TRRAP: variants seen among roughly 807,000 people sequenced by gnomAD.
TRRAP encodes transformation/transcription domain associated protein.
TRRAP carries 41 observed loss-of-function variants against 438.8 expected under a neutral mutation model. The observed-to-expected ratio is 0.09, with a 90% CI of 0.07 to 0.12. The LOEUF (loss-of-function observed/expected upper bound fraction) is 0.12. Ranked by LOEUF, TRRAP falls within the 10% of genes least tolerant of loss-of-function variation. The probability of loss-of-function intolerance (pLI) is 1.00; values close to 1 mark genes in which losing one functional copy is unlikely to be tolerated. For missense variants in TRRAP, 3,122 were observed against 5,055.1 expected (o/e 0.62, Z 11.60); for synonymous variants, 1,994 against 1,962.9 (o/e 1.02, Z -0.42).
chr7:98,976,812 A>G lies in TRRAP; in HGVS notation c.8247+42A>G. ...GTTTGTTAATTACCTCTTCCCTGCC[A>G]GTGACTTCACACTTTAAATAAATAC... On this transcript the variant is annotated intron_variant, in intron 55 of 72. Transcript: ENST00000456197. This position sits in a 1 kb window ranked among gnomAD's most constrained non-coding sequence, Gnocchi z 4.6. The G allele has an allele frequency of 6.2e-7, 1 of 1,604,542 alleles. No individual in the cohort carries two copies. Among genetic ancestry groups the G allele is most frequent in the Non-Finnish European group, 8.5e-7 (1 of 1,173,740 alleles).
chr7:98,944,774 C>T (rs1256847004), intron 31 of TRRAP, among the ~76,000 whole-genome samples: 2 of 152,130 alleles, frequency 1.3e-5, no homozygotes, highest in Non-Finnish European at 2.9e-5. Context: ...TATGCTAGAT[C>T]GTTGACTAAA....
chr7:98,976,253 T>C lies in TRRAP; in HGVS notation c.7944T>C (p.Ser2648=), dbSNP rs370034562. ...TCCCCAGATTGTGGAAGATCCTCTC[T>C]GACAGACAGCAGCATGTGAGTGTAT... is the stretch of plus-strand genomic sequence containing the variant. ...QLFPRLWKIL[S]DRQQHALAGE... is the part of the protein sequence containing the mutation. Residue 2648 remains serine, a synonymous_variant, in exon 54 of 73, where the codon TCT becomes TCC. Transcript: ENST00000456197. The surrounding 1 kb of genome is among the most constrained non-coding windows in gnomAD (Gnocchi z 4.6). 18 of 1,614,104 alleles carry C rather than the reference T, an allele frequency of 1.1e-5. No homozygotes were observed. Among genetic ancestry groups the C allele is most frequent in the Non-Finnish European group, 1.4e-5 (17 of 1,180,038 alleles).
intron 67 of TRRAP, chr7:98,999,041 A>T: frequency 2.4e-6 from 2 of 837,918 alleles, no homozygotes; most frequent in East Asian, 2.5e-5. Flanking sequence ...TCCAAGGTGG[A>T]TGGGAGGAGA....
At chr7:98,892,032 C>T (rs1406966526) in intron 4 of TRRAP, among the ~76,000 whole-genome samples, 1 of 152,072 alleles carries the variant, frequency 6.6e-6, no homozygotes, top group African/African-American at 2.4e-5. Context: ...AGGTAGTTGG[C>T]GATAGCATTA....
intron 7 of TRRAP, among the ~76,000 whole-genome samples, chr7:98,896,554 C>T (rs148690671): frequency 2.0e-3 from 311 of 152,166 alleles, no homozygotes; most frequent in African/African-American, 6.8e-3. Context: ...GGATTACAGG[C>T]GTGCGGCACC....
intron 30 of TRRAP, among the ~76,000 whole-genome samples, chr7:98,942,397 C>T (rs1790836709): frequency 1.3e-5 from 2 of 152,252 alleles, no homozygotes; most frequent in East Asian, 3.8e-4. Context: ...CTCTGCCCTT[C>T]TGCTTCTGGC....
chr7:98,889,344 C>A (rs1795858062), intron 3 of TRRAP, among the ~76,000 whole-genome samples: 1 of 152,096 alleles, frequency 6.6e-6, no homozygotes, highest in South Asian at 2.1e-4. Context: ...CACTTCCGAG[C>A]ATTTCCTGTA....
intron 18 of TRRAP, 117 bp downstream of exon 18, chr7:98,912,330 G>A (rs1009371491): frequency 1.9e-6 from 2 of 1,070,314 alleles, no homozygotes; most frequent in East Asian, 2.7e-5. Flanking sequence ...CAATCCACCT[G>A]CCTTGATCTC....
In TRRAP at chr7:98,892,405, A is replaced by G; in HGVS notation, c.262-19A>G. The G allele has an allele frequency of 6.3e-7, 1 of 1,585,108 alleles. No individual in the cohort carries two copies. Among genetic ancestry groups the G allele is most frequent in the Non-Finnish European group, 8.7e-7 (1 of 1,155,546 alleles). ...TGGAAGTATTTTTATCCTTACATTT[A>G]TTTATTTTTTCTTGCCAGCAACTGC... On this transcript the variant is annotated intron_variant, in intron 4 of 72. Transcript: ENST00000456197.
At chr7:99,001,647 T>C (rs1793925213) in intron 67 of TRRAP, among the ~76,000 whole-genome samples, 1 of 152,298 alleles carries the variant, frequency 6.6e-6, no homozygotes, top group Non-Finnish European at 1.5e-5. Context: ...CTCATCCACC[T>C]TCCGCTCTCC....
At chr7:98,957,869 T>C in intron 43 of TRRAP, 112 bp from the exon 44 acceptor site, 1 of 870,896 alleles carries the variant, frequency 1.1e-6, no homozygotes, top group South Asian at 1.4e-5. Flanking sequence ...CGCCCAGAGC[T>C]GCCTCTGTCC....
In TRRAP at chr7:98,983,410, C is replaced by T. The variant is rs1352674173; in HGVS notation, c.8973C>T (p.Asp2991=). ...ACCGACTGCCCATCGTGTCTGACGACTTGTCCCACTGGAGCAGCATCTTCA... is the reference window on the plus strand; with the variant it reads ...ACCGACTGCCCATCGTGTCTGACGATTTGTCCCACTGGAGCAGCATCTTCA... ...WRNRLPIVSD[D]LSHWSSIFMW... The change falls in exon 60 of 73, where the codon GAC becomes GAT. Residue 2991 remains aspartate (D), a synonymous_variant. Coordinates refer to ENST00000456197, the MANE Select transcript of TRRAP (RefSeq NM_001375524.1). 1.9e-6 allele frequency: 3 copies of T among 1,614,104 alleles called. No homozygotes were observed. The highest frequency in any genetic ancestry group is 1.7e-5 in the Admixed American group (1 of 60,010).
Position 98,925,054 on chromosome 7 carries a change from C to CT in TRRAP, c.2824-54dup, listed in dbSNP as rs1789985689. ...GTGCTGCAGATGCTTTCAGTGAAAG[C>CT]TTTTCACAATCATGTAATTTCAGCA... On this transcript the variant is annotated intron_variant, in intron 21 of 72. Coordinates refer to ENST00000456197, the MANE Select transcript of TRRAP (RefSeq NM_001375524.1). 5.2e-6 allele frequency: 8 copies of CT among 1,547,840 alleles called. No homozygotes were observed. The Admixed American group carries it at 1.0e-4, about 20-fold the overall frequency.
intron 40 of TRRAP, 79 bp downstream of exon 40, chr7:98,953,512 G>A (rs1791442262): frequency 1.3e-6 from 2 of 1,562,548 alleles, no homozygotes; most frequent in Non-Finnish European, 1.7e-6. Flanking sequence ...TGCAGTCTCA[G>A]CCTCTCCTGT....
chr7:98,912,323 T>C (rs1200266930), intron 18 of TRRAP, 110 bp downstream of exon 18: 2 of 1,158,678 alleles, frequency 1.7e-6, no homozygotes, highest in East Asian at 5.1e-5. Flanking sequence ...ACTCAAGCAA[T>C]CCACCTGCCT....
intron 3 of TRRAP, among the ~76,000 whole-genome samples, chr7:98,887,321 C>G (rs1795758191): frequency 6.6e-6 from 1 of 152,192 alleles, no homozygotes; most frequent in Non-Finnish European, 1.5e-5. Flanking sequence ...GATAACCTGG[C>G]AGTTAGTTCA....
intron 38 of TRRAP, among the ~76,000 whole-genome samples, 180 bp from the exon 39 acceptor site, chr7:98,950,696 A>G (rs1791295260): frequency 6.6e-6 from 1 of 152,206 alleles, no homozygotes; most frequent in African/African-American, 2.4e-5. Context: ...TCTCTTTTCC[A>G]CAAGTTTTTA....
At chr7:98,991,614 A>G (rs1159877580) in intron 64 of TRRAP, among the ~76,000 whole-genome samples, 1 of 152,244 alleles carries the variant, frequency 6.6e-6, no homozygotes, top group African/African-American at 2.4e-5. Flanking sequence ...TTCAAGTGAC[A>G]TGGTACTGTC....
At chr7:98,945,286 T>G (rs1252151381) in intron 31 of TRRAP, among the ~76,000 whole-genome samples, 1 of 152,194 alleles carries the variant, frequency 6.6e-6, no homozygotes, top group Non-Finnish European at 1.5e-5. Flanking sequence ...ACTGCTTACT[T>G]TACATGATAA....
Sources: allele counts gnomAD v4.1 joint callset (sites outside exome capture counted in the v4.1 genomes callset), GRCh38; gene constraint gnomAD v4.1.1; non-coding constraint Gnocchi (gnomAD v3.1); transcripts MANE v1.5; gene names NCBI Gene and HGNC (gene_info 2026-07-23, HGNC 2026-07-21).